COL8A1: variants seen among roughly 807,000 people sequenced by gnomAD.
The protein encoded by COL8A1 is collagen alpha-1(VIII) chain.
COL8A1 carries 21 observed loss-of-function variants against 42.7 expected under a neutral mutation model. The ratio of observed to expected loss-of-function variants is 0.49; its 90% CI spans 0.35 to 0.71. The LOEUF is 0.71. Among genes scored for constraint, COL8A1 ranks in the 30% least tolerant of loss-of-function variants. COL8A1 has a pLI of 0.01. For synonymous variants in COL8A1, 367 were observed against 369.1 expected (o/e 0.99, Z 0.06); for missense variants, 788 against 962.4 (o/e 0.82, Z 2.40).
intron 1 of COL8A1, among the ~76,000 whole-genome samples, chr3:99,718,152 T>C (rs1301030398): frequency 2.0e-5 from 3 of 151,982 alleles, no homozygotes; most frequent in Non-Finnish European, 4.4e-5. Flanking sequence ...GCACCTGTAG[T>C]CCCCAAGACT....
chr3:99,699,014 G>A (rs1241360117), intron 1 of COL8A1, among the ~76,000 whole-genome samples: 1 of 152,172 alleles, frequency 6.6e-6, no homozygotes, highest in Non-Finnish European at 1.5e-5. Context: ...AGGAGGATGT[G>A]AAAAGCAGAA....
intron 2 of COL8A1, among the ~76,000 whole-genome samples, chr3:99,765,385 C>G (rs571259696): frequency 6.6e-6 from 1 of 152,158 alleles, no homozygotes; most frequent in Admixed American, 6.5e-5. Flanking sequence ...TCTAGTAGAA[C>G]AGGGAATACA....
At chr3:99,769,024 C>T (rs566445818) in intron 2 of COL8A1, among the ~76,000 whole-genome samples, 10 of 152,268 alleles carry the variant, frequency 6.6e-5, no homozygotes, top group African/African-American at 2.2e-4. Flanking sequence ...TATTTGGTTG[C>T]TTTTGTGGTG....
chr3:99,717,903 T>C (rs184481428), intron 1 of COL8A1, among the ~76,000 whole-genome samples: 1 of 152,120 alleles, frequency 6.6e-6, no homozygotes, highest in Non-Finnish European at 1.5e-5. Context: ...CTATTCAAGG[T>C]TACCCTTTAC....
At chr3:99,722,769 C>T (rs1940192454) in intron 1 of COL8A1, among the ~76,000 whole-genome samples, 1 of 152,002 alleles carries the variant, frequency 6.6e-6, no homozygotes, top group South Asian at 2.1e-4. Flanking sequence ...AGGAAGTGAC[C>T]ATCACTATCT....
chr3:99,639,988 A>G (rs1171826872), intron 1 of COL8A1, among the ~76,000 whole-genome samples: 1 of 152,256 alleles, frequency 6.6e-6, no homozygotes, highest in Non-Finnish European at 1.5e-5. Context: ...TAAAGAAACA[A>G]GACTCATTAG....
chr3:99,732,774 C>T (rs1157306106), intron 1 of COL8A1, among the ~76,000 whole-genome samples: 1 of 152,080 alleles, frequency 6.6e-6, no homozygotes, highest in East Asian at 1.9e-4. Context: ...AGCAGTAACT[C>T]AAAAGTCCAA....
intron 1 of COL8A1, among the ~76,000 whole-genome samples, chr3:99,663,656 G>A (rs900610067): frequency 6.6e-6 from 1 of 151,976 alleles, no homozygotes; most frequent in Non-Finnish European, 1.5e-5. Flanking sequence ...ATTGATTTCT[G>A]AAATTATGAG....
intron 2 of COL8A1, among the ~76,000 whole-genome samples, chr3:99,753,973 C>G (rs1054315697): frequency 9.2e-5 from 14 of 152,202 alleles, no homozygotes; most frequent in Non-Finnish European, 1.8e-4. Flanking sequence ...GATAACTACA[C>G]TAACCAGTTT....
intron 1 of COL8A1, among the ~76,000 whole-genome samples, chr3:99,719,320 G>A (rs1249751041): frequency 6.6e-6 from 1 of 152,024 alleles, no homozygotes; most frequent in Non-Finnish European, 1.5e-5. Flanking sequence ...TACAATTTGT[G>A]TGTGTTCACT....
At chr3:99,663,141 A>T (rs1189066443) in intron 1 of COL8A1, among the ~76,000 whole-genome samples, 1 of 152,134 alleles carries the variant, frequency 6.6e-6, no homozygotes, top group Non-Finnish European at 1.5e-5. Flanking sequence ...CCTTACTTTA[A>T]AAAAATAATG....
intron 1 of COL8A1, among the ~76,000 whole-genome samples, chr3:99,673,775 C>T (rs1938613609): frequency 6.6e-6 from 1 of 151,912 alleles, no homozygotes; most frequent in Non-Finnish European, 1.5e-5. Context: ...AGTCAGACTG[C>T]CTGGGTTTGA....
chr3:99,702,820 G>T (rs1026376721), intron 1 of COL8A1, among the ~76,000 whole-genome samples: 1 of 152,162 alleles, frequency 6.6e-6, no homozygotes, highest in Admixed American at 6.5e-5. Context: ...GTGCTGTGGA[G>T]AAAAATATAG....
chr3:99,755,397 A>G (rs1941235032), intron 2 of COL8A1, among the ~76,000 whole-genome samples: 1 of 152,166 alleles, frequency 6.6e-6, no homozygotes, highest in Non-Finnish European at 1.5e-5. Flanking sequence ...CACTCAACCA[A>G]TATGTGTTGA....
At chr3:99,740,089 C>A (rs1179696827) in intron 1 of COL8A1, among the ~76,000 whole-genome samples, 1 of 152,170 alleles carries the variant, frequency 6.6e-6, no homozygotes, top group Non-Finnish European at 1.5e-5. Context: ...GACCTTTATT[C>A]CAGTTTCCAA....
chr3:99,739,626 G>A (rs773272476), intron 1 of COL8A1, among the ~76,000 whole-genome samples: 10 of 152,134 alleles, frequency 6.6e-5, no homozygotes, highest in Non-Finnish European at 1.3e-4. Flanking sequence ...CTGAAGCCAC[G>A]GCCCAAGCTG....
At chr3:99,753,557 C>T (rs541500811) in intron 2 of COL8A1, among the ~76,000 whole-genome samples, 1 of 152,154 alleles carries the variant, frequency 6.6e-6, no homozygotes, top group Non-Finnish European at 1.5e-5. Context: ...CAGCTGAAGT[C>T]ACATGGATCA....
intron 2 of COL8A1, among the ~76,000 whole-genome samples, chr3:99,759,716 C>A (rs1941330630): frequency 6.6e-6 from 1 of 152,132 alleles, no homozygotes; most frequent in Non-Finnish European, 1.5e-5. Flanking sequence ...CTAGTTAAAT[C>A]AATAAAACTC....
At chr3:99,752,868 C>G (rs1941181099) in intron 2 of COL8A1, among the ~76,000 whole-genome samples, 1 of 152,078 alleles carries the variant, frequency 6.6e-6, no homozygotes, top group Non-Finnish European at 1.5e-5. Context: ...CACCTAGTGG[C>G]CTCAGTTTAG....
Sources: allele counts gnomAD v4.1 joint callset (sites outside exome capture counted in the v4.1 genomes callset), GRCh38; gene constraint gnomAD v4.1.1; transcripts MANE v1.5; gene names NCBI Gene and HGNC (gene_info 2026-07-23, HGNC 2026-07-21).